The following MCPH1 variants were observed in gnomAD, a reference collection of about 807,000 sequenced individuals.
MCPH1 encodes microcephalin.
A neutral mutation model predicts 84.5 loss-of-function variants in MCPH1; 104 were observed. The ratio of observed to expected loss-of-function variants is 1.23; its 90% CI spans 1.05 to 1.45. The LOEUF is 1.45. MCPH1 is among the 40% of genes most tolerant of loss of function. MCPH1 has a pLI of 0.00. For missense variants in MCPH1, 1,498 were observed against 1,005.7 expected, an observed-to-expected ratio of 1.49 and a Z score of -6.62; for synonymous variants, 514 against 366.8, an observed-to-expected ratio of 1.40 and a Z score of -4.58.
chr8:6,625,423 T>TAACA (rs1403627028), intron 13 of MCPH1: 1 of 985,348 alleles, frequency 1.0e-6, no homozygotes, highest in East Asian at 1.1e-4. Flanking sequence ...ATTTCCATTA[T>TAACA]AACAAATGCT....
chr8:6,552,822 T>C (rs1459337807), intron 12 of MCPH1, among the ~76,000 whole-genome samples: 1 of 152,052 alleles, frequency 6.6e-6, no homozygotes, highest in Non-Finnish European at 1.5e-5. Context: ...CTGCTTTTTT[T>C]TTTTTAACTC....
intron 12 of MCPH1, among the ~76,000 whole-genome samples, chr8:6,607,109 G>T (rs1051764581): frequency 1.3e-5 from 2 of 152,170 alleles, no homozygotes; most frequent in Non-Finnish European, 2.9e-5. Context: ...TCAGAAAATC[G>T]CAAAAGCAGG....
chr8:6,646,841 T>G lies in MCPH1; in HGVS notation c.*3792T>G, dbSNP rs1183797451. ...CCAGTTGAGAACCATTGACCTAATGTAAAAAATAAAATGTACAGAAGAAAG... is the reference window on the plus strand; with the variant it reads ...CCAGTTGAGAACCATTGACCTAATGGAAAAAATAAAATGTACAGAAGAAAG... On this transcript the variant is annotated 3_prime_UTR_variant, in exon 14 of 14. Coordinates refer to ENST00000344683, the MANE Select transcript of MCPH1 (RefSeq NM_024596.5). 1 of 152,060 alleles carries G rather than the reference T, an allele frequency of 6.6e-6. No individual in the cohort carries two copies. The highest frequency in any genetic ancestry group is 1.9e-4 in the East Asian group (1 of 5,196). 9.4% of individuals were successfully genotyped at this position (152,060 alleles called of 1,614,324 possible). A position where few individuals can be genotyped will look rare whatever the true frequency, so the allele number is the denominator to read the frequency against.
rs761865373 is a variant in MCPH1, at chr8:6,444,511, T to C, written c.789T>C (p.Cys263=). Residue 263 remains cysteine, a synonymous_variant, in exon 8 of 14, where the codon TGT becomes TGC. Coordinates refer to ENST00000344683, the MANE Select transcript of MCPH1 (RefSeq NM_024596.5). ...TTAATGACATTAAAAGTGATGTGTGTATTTCTTCACTTGTATTGAAAGCAA... is the reference window on the plus strand; with the variant it reads ...TTAATGACATTAAAAGTGATGTGTGCATTTCTTCACTTGTATTGAAAGCAA... The part of the protein sequence containing the change: ...GSINDIKSDV[C]ISSLVLKANN... 1 of 1,614,204 alleles carries C rather than the reference T, an allele frequency of 6.2e-7. No individual in the cohort carries two copies. Among genetic ancestry groups the C allele is most frequent in the Non-Finnish European group, 8.5e-7 (1 of 1,180,022 alleles).
In MCPH1 at chr8:6,445,401, G is replaced by A; in HGVS notation, c.1679G>A (p.Ser560Asn). ...ATGAAAGAAGCGGTTGGTCTGAAAA[G>A]CACACAGAACAAAGGTACCACTTCC... is the stretch of plus-strand genomic sequence containing the variant. Reference protein sequence around the residue: ...EEMKEAVGLKSTQNKGTTSKI... With the variant: ...EEMKEAVGLKNTQNKGTTSKI... Residue 560 changes from serine (S) to asparagine (N), a missense_variant, in exon 8 of 14, where the codon AGC (serine) becomes AAC (asparagine). Physicochemically the swap from Ser to Asn is conservative, Grantham distance 46. Coordinates refer to ENST00000344683, the MANE Select transcript of MCPH1 (RefSeq NM_024596.5). The A allele has an allele frequency of 6.2e-7, 1 of 1,614,248 alleles. No individual in the cohort carries two copies. Among genetic ancestry groups the A allele is most frequent in the South Asian group, 1.1e-5 (1 of 91,088 alleles).
chr8:6,530,020 T>A (rs913900862), intron 12 of MCPH1, among the ~76,000 whole-genome samples: 25 of 152,128 alleles, frequency 1.6e-4, no homozygotes, highest in Non-Finnish European at 3.1e-4. Flanking sequence ...TTTATTTTTT[T>A]AAATTTTTGC....
chr8:6,440,032 A>G (rs1803274202), intron 6 of MCPH1, among the ~76,000 whole-genome samples: 1 of 152,186 alleles, frequency 6.6e-6, no homozygotes, highest in Admixed American at 6.5e-5. Flanking sequence ...AGATAATGAC[A>G]TATGTATTAT....
chr8:6,554,172 A>G (rs936269129), intron 12 of MCPH1, among the ~76,000 whole-genome samples: 5 of 150,822 alleles, frequency 3.3e-5, no homozygotes, highest in African/African-American at 1.2e-4. Flanking sequence ...TCACCAGATT[A>G]AACCACCTGG....
chr8:6,406,765 G>T lies in MCPH1; in HGVS notation c.22+76G>T, dbSNP rs189207901. 73 of 1,530,196 alleles carry T rather than the reference G, an allele frequency of 4.8e-5. No homozygotes were observed. In the African/African-American group the frequency reaches 9.2e-4, roughly 19 times the overall value. The allele number at this position is 1,530,196 out of a possible 1,614,324, so 94.8% of individuals were successfully genotyped here. A position where few individuals can be genotyped will look rare whatever the true frequency, so the allele number is the denominator to read the frequency against. On this transcript the variant is annotated intron_variant, in intron 1 of 13. Transcript: ENST00000344683. ...ACCCCTCGTCGCGGGCGCACTCGGG[G>T]GATCCCGTGGGAGGAGCCCCGCTCG...
At chr8:6,480,924 A>G (rs1330972220) in intron 11 of MCPH1, 48 bp downstream of exon 11, 2 of 1,602,946 alleles carry the variant, frequency 1.2e-6, no homozygotes, top group East Asian at 4.5e-5. Flanking sequence ...GCATTTTGAT[A>G]GAGTGGGTCA....
rs117427892 is a variant in MCPH1, at chr8:6,465,628, G to A, written c.1935+10376G>A. 1.2e-3 allele frequency among the ~76,000 whole-genome samples: 185 copies of A among 152,256 alleles called. 3 individuals carry two copies. In the East Asian group the frequency reaches 0.03, roughly 24 times the overall value. On this transcript the variant is annotated intron_variant, in intron 9 of 13. Coordinates refer to ENST00000344683, the MANE Select transcript of MCPH1 (RefSeq NM_024596.5). ...GGCTGGACGCATCTTCTGGAACTGCGACAGCGGAGGAGGAAGCCAAGAGAG... is the reference window on the plus strand; with the variant it reads ...GGCTGGACGCATCTTCTGGAACTGCAACAGCGGAGGAGGAAGCCAAGAGAG...
intron 12 of MCPH1, among the ~76,000 whole-genome samples, chr8:6,572,667 G>T (rs1563144018): frequency 1.3e-5 from 2 of 152,210 alleles, no homozygotes; most frequent in Non-Finnish European, 2.9e-5. Flanking sequence ...GTATCCTCAG[G>T]TGATAAGGTT....
chr8:6,431,490 A>C lies in MCPH1; in HGVS notation c.234-9A>C. 1 of 1,608,912 alleles carries C rather than the reference A, an allele frequency of 6.2e-7. No homozygotes were observed. The highest frequency in any genetic ancestry group is 8.5e-7 in the Non-Finnish European group (1 of 1,175,488). The stretch of plus-strand genomic sequence containing the variant: ...ATACTCATTAGACTACCTTAATTTA[A>C]TTATACAGATGCAGGACAGCTGGAG... On this transcript the variant is annotated splice_polypyrimidine_tract_variant and intron_variant, in intron 3 of 13. Coordinates refer to ENST00000344683, the MANE Select transcript of MCPH1 (RefSeq NM_024596.5).
At chr8:6,509,053 A>T in intron 12 of MCPH1, 1 of 1,613,994 alleles carries the variant, frequency 6.2e-7, no homozygotes. Flanking sequence ...TAAGTCCTTT[A>T]AGGTGAATCC....
At chr8:6,525,795 A>G (rs961984824) in intron 12 of MCPH1, among the ~76,000 whole-genome samples, 1 of 152,212 alleles carries the variant, frequency 6.6e-6, no homozygotes, top group Non-Finnish European at 1.5e-5. Context: ...ATCTGTGACA[A>G]AAAAATACGA....
chr8:6,409,481 T>C, intron 2 of MCPH1, 111 bp downstream of exon 2: 3 of 858,676 alleles, frequency 3.5e-6, no homozygotes, highest in Non-Finnish European at 5.8e-6. Flanking sequence ...GACGAAGCAA[T>C]GGGTAAGCGG....
intron 12 of MCPH1, among the ~76,000 whole-genome samples, chr8:6,561,963 G>T (rs887590249): frequency 6.6e-6 from 1 of 152,120 alleles, no homozygotes; most frequent in African/African-American, 2.4e-5. Flanking sequence ...ACGTGGGGAC[G>T]CATTCCGCAC....
At chr8:6,625,561 A>G (rs1300920287) in intron 13 of MCPH1, 3 of 983,588 alleles carry the variant, frequency 3.1e-6, no homozygotes, top group Non-Finnish European at 2.4e-6. Context: ...TGAAAAGACA[A>G]TACTCAAAAA....
rs139886336 is a variant in MCPH1, at chr8:6,597,164, T to G, written c.2215-24290T>G. 7.1e-3 allele frequency among the ~76,000 whole-genome samples: 1,086 copies of G among 152,288 alleles called. 16 individuals are homozygous for G. Among genetic ancestry groups the G allele is most frequent in the African/African-American group, 0.024 (1,001 of 41,558 alleles). ...TGAAGGTAATAAAATCACCTGCCTA[T>G]AAGCCTGCAGTGAGAATTAGAGGAG... On this transcript the variant is annotated intron_variant, in intron 12 of 13. Transcript: ENST00000344683.
Sources: allele counts gnomAD v4.1 joint callset (sites outside exome capture counted in the v4.1 genomes callset), GRCh38; gene constraint gnomAD v4.1.1; transcripts MANE v1.5; gene names NCBI Gene and HGNC (gene_info 2026-07-23, HGNC 2026-07-21).